PDE3A: variants seen among roughly 807,000 people sequenced by gnomAD.
The protein encoded by PDE3A is phosphodiesterase 3A.
PDE3A carries 43 observed loss-of-function variants against 98.3 expected under a neutral mutation model. The observed-to-expected ratio is 0.44, with a 90% confidence interval of 0.34 to 0.56. PDE3A has a LOEUF of 0.56. PDE3A is among the 20% of genes least tolerant of loss of function. The pLI is 0.01. For missense variants in PDE3A, 1,427 were observed against 1,440.7 expected (o/e 0.99, Z 0.15); for synonymous variants, 663 against 567.9 (o/e 1.17, Z -2.38).
chr12:20,400,276 A>G (rs1256017343), intron 1 of PDE3A, among the ~76,000 whole-genome samples: 2 of 151,268 alleles, frequency 1.3e-5, no homozygotes, highest in Non-Finnish European at 1.5e-5. Context: ...AAAGACCTCG[A>G]GAGTCCTGCT....
chr12:20,669,823 T>A lies in PDE3A; in HGVS notation c.3185-10207T>A, dbSNP rs939067662. 3.4e-3 allele frequency among the ~76,000 whole-genome samples: 510 copies of A among 151,242 alleles called. 4 individuals are homozygous for A. Among genetic ancestry groups the A allele is most frequent in the Non-Finnish European group, 5.2e-3 (353 of 67,760 alleles). The stretch of plus-strand genomic sequence containing the variant: ...GCAAAATAACCAGCTAACATCATAA[T>A]GACAGGATCAAATTCACACATAACA... On this transcript the variant is annotated intron_variant, in intron 15 of 15. Transcript: ENST00000359062.
chr12:20,647,633 G>C (rs1229060560), intron 12 of PDE3A, among the ~76,000 whole-genome samples: 2 of 151,948 alleles, frequency 1.3e-5, no homozygotes, highest in South Asian at 4.1e-4. Context: ...AAGATCTAGA[G>C]GCCAATTTCA....
At chr12:20,531,569 C>CT (rs1251160896) in intron 1 of PDE3A, among the ~76,000 whole-genome samples, 4 of 151,878 alleles carry the variant, frequency 2.6e-5, no homozygotes, top group African/African-American at 9.7e-5. Flanking sequence ...CAGTAGTAGC[C>CT]TATCCTGTCT....
intron 1 of PDE3A, among the ~76,000 whole-genome samples, chr12:20,505,054 C>A (rs751475384): frequency 1.3e-5 from 2 of 152,088 alleles, no homozygotes; most frequent in Non-Finnish European, 2.9e-5. Flanking sequence ...TTAGCAAATA[C>A]AAGTGCTTAG....
At chr12:20,392,757 G>A (rs981592389) in intron 1 of PDE3A, among the ~76,000 whole-genome samples, 6 of 151,974 alleles carry the variant, frequency 3.9e-5, no homozygotes, top group African/African-American at 1.4e-4. Context: ...AATAGATGCA[G>A]AACATGTGGT....
At chr12:20,383,890 G>A (rs1000590833) in intron 1 of PDE3A, among the ~76,000 whole-genome samples, 3 of 151,980 alleles carry the variant, frequency 2.0e-5, no homozygotes, top group South Asian at 2.1e-4. Flanking sequence ...GTTGAATAGG[G>A]TGTCTCATAT....
chr12:20,392,599 C>G (rs773757950), intron 1 of PDE3A, among the ~76,000 whole-genome samples: 8 of 151,760 alleles, frequency 5.3e-5, no homozygotes, highest in Non-Finnish European at 1.2e-4. Flanking sequence ...GGAGGTTCCT[C>G]AAAAAACTAA....
At chr12:20,456,303 A>G (rs982267418) in intron 1 of PDE3A, among the ~76,000 whole-genome samples, 1 of 152,162 alleles carries the variant, frequency 6.6e-6, no homozygotes, top group Admixed American at 6.5e-5. Context: ...TGAATTTTGT[A>G]ATATGTTCCC....
chr12:20,653,773 T>A (rs1436132488), intron 14 of PDE3A, among the ~76,000 whole-genome samples, 174 bp from the exon 15 acceptor site: 1 of 152,170 alleles, frequency 6.6e-6, no homozygotes, highest in Non-Finnish European at 1.5e-5. Flanking sequence ...AGCAAAAACC[T>A]CAAGTTCAGA....
In PDE3A at chr12:20,552,305, A is replaced by T. The variant is rs1942233756; in HGVS notation, c.961-4355A>T. On this transcript the variant is annotated intron_variant, in intron 1 of 15. Transcript: ENST00000359062. This position sits in a 1 kb window ranked among gnomAD's most constrained non-coding sequence, Gnocchi z 5.1. ...GAGGGCAACCGCTACGATGGCATCT[A>T]CAAGGTTGTGAAATACTGGCCCGAG... is the stretch of plus-strand genomic sequence containing the variant. The T allele has an allele frequency of 1.2e-6, 2 of 1,613,886 alleles. No homozygotes were observed. Among genetic ancestry groups the T allele is most frequent in the Non-Finnish European group, 1.7e-6 (2 of 1,179,880 alleles).
chr12:20,390,120 C>T (rs1324768115), intron 1 of PDE3A, among the ~76,000 whole-genome samples: 1 of 151,852 alleles, frequency 6.6e-6, no homozygotes, highest in Non-Finnish European at 1.5e-5. Flanking sequence ...GAAAAAGACA[C>T]ATAGCCCTGC....
chr12:20,411,518 CT>C (rs11336130), intron 1 of PDE3A, among the ~76,000 whole-genome samples: 94,580 of 151,204 alleles, frequency 0.63, 31,100 homozygotes, highest in East Asian at 0.88. Flanking sequence ...GCTACTTACT[CT>C]TTTTTTTTTC....
intron 1 of PDE3A, among the ~76,000 whole-genome samples, chr12:20,431,636 C>T (rs543044704): frequency 3.3e-5 from 5 of 151,892 alleles, no homozygotes; most frequent in East Asian, 1.9e-4. Context: ...CACACACGCA[C>T]GCACAAATGC....
chr12:20,666,753 T>A (rs542421765), intron 15 of PDE3A, among the ~76,000 whole-genome samples: 10 of 152,228 alleles, frequency 6.6e-5, no homozygotes, highest in South Asian at 4.1e-4. Flanking sequence ...GGTGCAATTA[T>A]CTTTTTAATA....
At chr12:20,487,426 G>A (rs1945748309) in intron 1 of PDE3A, among the ~76,000 whole-genome samples, 1 of 146,806 alleles carries the variant, frequency 6.8e-6, no homozygotes, top group Non-Finnish European at 1.5e-5. Context: ...CAATTTGGGA[G>A]GCTGAGATAG....
intron 13 of PDE3A, 44 bp from the exon 14 acceptor site, chr12:20,650,401 T>A (rs760369223): frequency 2.1e-6 from 3 of 1,401,956 alleles, no homozygotes; most frequent in Non-Finnish European, 3.0e-6. Context: ...TCAACTTTTG[T>A]TTTTATCAAA....
intron 1 of PDE3A, among the ~76,000 whole-genome samples, chr12:20,492,550 TG>T (rs1374672128): frequency 6.6e-6 from 1 of 151,938 alleles, no homozygotes; most frequent in Non-Finnish European, 1.5e-5. Context: ...AAAGTGAAAG[TG>T]GTTATCACTA....
chr12:20,554,377 A>AG (rs1388932994), intron 1 of PDE3A, among the ~76,000 whole-genome samples: 1 of 144,090 alleles, frequency 6.9e-6, no homozygotes, highest in African/African-American at 2.5e-5. Context: ...AAAAAATAAA[A>AG]AAAATAAAAA....
intron 1 of PDE3A, among the ~76,000 whole-genome samples, chr12:20,534,440 TCACAGTGA>T (rs1941702781): frequency 6.6e-6 from 1 of 152,178 alleles, no homozygotes; most frequent in Non-Finnish European, 1.5e-5. Flanking sequence ...CTCTAATGGG[TCACAGTGA>T]CCCCAAAGGC....
Sources: gnomAD v4.1 joint callset for allele counts (sites outside exome capture counted in the v4.1 genomes callset) on GRCh38, gnomAD v4.1.1 for gene constraint, Gnocchi (gnomAD v3.1) non-coding constraint, MANE v1.5 for transcripts, NCBI Gene and HGNC (gene_info 2026-07-23, HGNC 2026-07-21) for gene names.